The following RTEL1 variants were observed in gnomAD, a reference collection of about 807,000 sequenced individuals.
RTEL1 encodes the protein regulator of telomere elongation helicase 1.
Under a neutral mutation model 162.2 loss-of-function variants are expected in RTEL1, and 86 were observed. The ratio of observed to expected loss-of-function variants is 0.53; its 90% CI spans 0.45 to 0.63. The LOEUF is 0.63. Among genes scored for constraint, RTEL1 ranks in the 30% least tolerant of loss-of-function variants. The pLI is 0.00. For synonymous variants in RTEL1, 958 were observed against 717.9 expected (o/e 1.33, Z -5.35); for missense variants, 1,941 against 1,750.2 (o/e 1.11, Z -1.95).
Position 63,678,294 on chromosome 20 carries a change from A to G in RTEL1, c.985A>G (p.Ile329Val), listed in dbSNP as rs760239034. Residue 329 changes from isoleucine to valine, a missense_variant, in exon 12 of 35, where the codon ATC (isoleucine) becomes GTC (valine). Ile to Val is a conservative substitution (Grantham distance 29). Coordinates refer to ENST00000360203, the MANE Select transcript of RTEL1 (RefSeq NM_001283009.2). Reference sequence around the variant, plus strand: ...GATCCTGCTGCGCCTGGAGGGGGCCATCGATGCTGTTGAGCTGCCTGGAGA... The same window carrying G: ...GATCCTGCTGCGCCTGGAGGGGGCCGTCGATGCTGTTGAGCTGCCTGGAGA... Reference protein sequence around the residue: ...KMILLRLEGAIDAVELPGDDS... With the variant: ...KMILLRLEGAVDAVELPGDDS... 2.5e-6 allele frequency: 4 copies of G among 1,612,972 alleles called. No homozygotes were observed. Among genetic ancestry groups the G allele is most frequent in the Admixed American group, 1.7e-5 (1 of 59,944 alleles).
At position 63,689,035 on chromosome 20, in the gene RTEL1, C is replaced by T; in HGVS notation, c.1801-20C>T. On this transcript the variant is annotated intron_variant, in intron 21 of 34. Transcript: ENST00000360203. Reference sequence around the variant, plus strand: ...GCTGGGGGGGGGCTCCAGGCTCAGCCTCACCAACTTTCCTTCCAGACCATC... The same window carrying T: ...GCTGGGGGGGGGCTCCAGGCTCAGCTTCACCAACTTTCCTTCCAGACCATC... The T allele has an allele frequency of 6.8e-6, 11 of 1,607,456 alleles. No individual in the cohort carries two copies. Among genetic ancestry groups the T allele is most frequent in the Non-Finnish European group, 9.3e-6 (11 of 1,177,698 alleles).
In RTEL1 at chr20:63,693,245, C is replaced by T. The variant is rs1462195263; in HGVS notation, c.2954C>T (p.Pro985Leu). ...GCGYRPEHSI[P>L]RRQRAQPVLD... The stretch of plus-strand genomic sequence containing the variant: ...GGCTATCGGCCTGAGCACAGCATTC[C>T]CCGAAGGCAGCGGGCACAGCCGGTC... Residue 985 changes from proline (P) to leucine (L), a missense_variant, in exon 30 of 35, where the codon CCC becomes CTC. By Grantham distance (98) the Pro-to-Leu change is moderately conservative. Transcript: ENST00000360203. 3 of 1,611,900 alleles carry T rather than the reference C, an allele frequency of 1.9e-6. No individual in the cohort carries two copies. The highest frequency in any genetic ancestry group is 3.3e-5 in the Admixed American group (2 of 59,950).
chr20:63,691,984 G>A lies in RTEL1; in HGVS notation c.2652+147G>A. The A allele has an allele frequency of 6.6e-6, 4 of 609,174 alleles. No individual in the cohort carries two copies. In the Admixed American group the frequency reaches 8.6e-5, roughly 13 times the overall value. The allele number at this position is 609,174 out of a possible 1,614,324, so 37.7% of individuals were successfully genotyped here. On this transcript the variant is annotated intron_variant, in intron 28 of 34. Transcript: ENST00000360203. ...GTCCAGGGCAGCTGTGATGCTGACG[G>A]CCAGGGGCTCAAGTGTGTGGTTTCT...
At chr20:63,692,707 G>GTCCCAGGGAACGCTCAATGT (rs1197772876) in intron 28 of RTEL1, 98 bp from the exon 29 acceptor site, 117 of 1,210,738 alleles carry the variant, frequency 9.7e-5, no homozygotes, top group Non-Finnish European at 1.3e-4. Context: ...GGCAGTCACT[G>GTCCCAGGGAACGCTCAATGT]TCCCAGGGAA....
intron 9 of RTEL1, among the ~76,000 whole-genome samples, chr20:63,673,620 G>A (rs1052473115): frequency 7.2e-5 from 11 of 151,894 alleles, no homozygotes; most frequent in African/African-American, 2.7e-4. Flanking sequence ...TGTATTTTTT[G>A]TAGAGGCGGG....
chr20:63,687,586 C>G (rs2090625597), intron 16 of RTEL1, 52 bp from the exon 17 acceptor site: 1 of 1,525,770 alleles, frequency 6.6e-7, no homozygotes, highest in African/African-American at 1.4e-5. Flanking sequence ...GGTGGTCAGG[C>G]CCCCAGTCCC....
chr20:63,677,487 C>T (rs896844414), intron 10 of RTEL1, among the ~76,000 whole-genome samples: 3 of 152,176 alleles, frequency 2.0e-5, no homozygotes, highest in African/African-American at 7.2e-5. Flanking sequence ...TGGTGGCGCA[C>T]ACCTATAGTC....
intron 14 of RTEL1, among the ~76,000 whole-genome samples, chr20:63,683,737 C>T (rs559534890): frequency 1.3e-5 from 2 of 152,274 alleles, no homozygotes; most frequent in African/African-American, 2.4e-5. Flanking sequence ...GGGGGCTTTG[C>T]GTTCCTGTTC....
chr20:63,659,799 A>G (rs1200281795), intron 2 of RTEL1, among the ~76,000 whole-genome samples: 2 of 141,078 alleles, frequency 1.4e-5, no homozygotes, highest in Admixed American at 7.3e-5. Flanking sequence ...AAGTGGGCCC[A>G]GGGGACCGGC....
At chr20:63,688,750 G>A in intron 21 of RTEL1, 145 bp downstream of exon 21, 1 of 719,328 alleles carries the variant, frequency 1.4e-6, no homozygotes, top group Non-Finnish European at 2.3e-6. Flanking sequence ...TTCCTTCCTG[G>A]CCCTGAGTGT....
chr20:63,687,921 C>T lies in RTEL1; in HGVS notation c.1482-16C>T. The T allele has an allele frequency of 6.2e-7, 1 of 1,611,496 alleles. No individual in the cohort carries two copies. Among genetic ancestry groups the T allele is most frequent in the Non-Finnish European group, 8.5e-7 (1 of 1,178,882 alleles). On this transcript the variant is annotated splice_polypyrimidine_tract_variant and intron_variant, in intron 17 of 34. Transcript: ENST00000360203. ...GGTGCACTTCCCCACTGTCTGCTCC[C>T]TCTGGCCACGCTCAGCCCTTTCCCA...
rs766650483 is a variant in RTEL1, at chr20:63,685,858, C to T, written c.1334C>T (p.Ala445Val). Reference sequence around the variant, plus strand: ...CGGTCTGATGCCTGGAGCACCACTGCAGCCAGAAAGCGAGGTACAGACCTG... The same window carrying T: ...CGGTCTGATGCCTGGAGCACCACTGTAGCCAGAAAGCGAGGTACAGACCTG... ...AQRSDAWSTT[A>V]ARKRGKVLSY... The change falls in exon 16 of 35, where the codon GCA becomes GTA. Residue 445 changes from alanine to valine, a missense_variant. Ala to Val is a moderately conservative substitution (Grantham distance 64). Transcript: ENST00000360203. The T allele has an allele frequency of 6.2e-7, 1 of 1,612,632 alleles. No individual in the cohort carries two copies. The highest frequency in any genetic ancestry group is 1.1e-5 in the South Asian group (1 of 91,012).
intron 14 of RTEL1, chr20:63,682,058 A>G (rs1163512285): frequency 1.0e-6 from 1 of 985,438 alleles, no homozygotes; most frequent in Non-Finnish European, 1.2e-6. Flanking sequence ...CCTGCAGCCC[A>G]GGGCCTGGAG....
At chr20:63,687,336 A>G (rs1294531384) in intron 16 of RTEL1, 1 of 329,204 alleles carries the variant, frequency 3.0e-6, no homozygotes, top group African/African-American at 2.1e-5. Flanking sequence ...GCCGCATGTC[A>G]CAGTTTCTGC....
In RTEL1 at chr20:63,695,446, A is replaced by G. The variant is rs200452563; in HGVS notation, c.3618A>G (p.Ser1206=). 13 of 1,582,950 alleles carry G rather than the reference A, an allele frequency of 8.2e-6. No homozygotes were observed. The highest frequency in any genetic ancestry group is 1.1e-5 in the Non-Finnish European group (13 of 1,163,656). ...GGEDAGPSQS[S]GPPHGPAASE... ...AGGATGCAGGTCCCAGCCAGTCCTC[A>G]GGACCTCCCCACGGGCCTGCAGCAT... Residue 1206 remains serine, a synonymous_variant, in exon 34 of 35, where the codon TCA becomes TCG. Transcript: ENST00000360203.
chr20:63,662,758 T>G, intron 5 of RTEL1, 71 bp from the exon 6 acceptor site: 1 of 1,595,218 alleles, frequency 6.3e-7, no homozygotes. Flanking sequence ...GAGGACCTGG[T>G]GGGGGTGGGG....
chr20:63,690,754 C>G, intron 26 of RTEL1, 51 bp from the exon 27 acceptor site: 4 of 1,544,340 alleles, frequency 2.6e-6, no homozygotes, highest in Non-Finnish European at 3.5e-6. Context: ...AGGCAGGGAC[C>G]CCAGCTGGGG....
At position 63,659,021 on chromosome 20, in the gene RTEL1, G is replaced by A. The variant is rs151006072; in HGVS notation, c.-170-212G>A. 2.0e-3 allele frequency among the ~76,000 whole-genome samples: 302 copies of A among 152,340 alleles called. 4 individuals carry two copies. The highest frequency in any genetic ancestry group is 6.9e-3 in the African/African-American group (289 of 41,586). On this transcript the variant is annotated intron_variant, in intron 1 of 34. Transcript: ENST00000360203. ...TGCAGGCGGAACTTGCAGCACTGTG[G>A]GCGTCTTTTCCAGAGAAGGACGGAG...
chr20:63,693,046 G>C, intron 29 of RTEL1, 43 bp downstream of exon 29: 1 of 1,610,034 alleles, frequency 6.2e-7, no homozygotes, highest in Non-Finnish European at 8.5e-7. Context: ...GGGCAGTGCT[G>C]CCGCCGCGTG....
Sources: gnomAD v4.1 joint callset for allele counts (sites outside exome capture counted in the v4.1 genomes callset) on GRCh38, gnomAD v4.1.1 for gene constraint, MANE v1.5 for transcripts, NCBI Gene and HGNC (gene_info 2026-07-23, HGNC 2026-07-21) for gene names.